Variants in FLG observed in about 807,000 individuals in gnomAD.
The protein encoded by FLG is filaggrin, also known as epidermal filaggrin.
A neutral mutation model predicts 3.8 loss-of-function variants in FLG; 6 were observed. The observed-to-expected ratio is 1.60, with a 90% CI of 0.87 to 3.15. The LOEUF is 3.15. FLG is among the 30% of genes most tolerant of loss of function. The pLI, the probability that FLG is intolerant of heterozygous loss-of-function variation, is 0.00. For synonymous variants in FLG, 2,551 were observed against 1,931.6 expected, an observed-to-expected ratio of 1.32 and a Z score of -8.41; for missense variants, 7,595 against 5,050.9, an observed-to-expected ratio of 1.50 and a Z score of -15.27.
chr1:152,309,351 G>T lies in FLG; in HGVS notation c.5535C>A (p.His1845Gln). 6.2e-7 allele frequency: 1 copy of T among 1,613,870 alleles called. No individual in the cohort carries two copies. Among genetic ancestry groups the T allele is most frequent in the Non-Finnish European group, 8.5e-7 (1 of 1,179,990 alleles). The stretch of plus-strand genomic sequence containing the variant: ...CATCAGACCTTTCCTGGGACGTGGT[G>T]TGGCTGTGATGAGACCCTGAGTGTC... ...SSGHSGSHHS[H>Q]TTSQERSDVS... Residue 1845 changes from histidine (H) to glutamine (Q), a missense_variant, in exon 3 of 3, where the codon CAC becomes CAA. Coordinates refer to ENST00000368799, the MANE Select transcript of FLG (RefSeq NM_002016.2).
chr1:152,303,567 G>A lies in FLG; in HGVS notation c.11319C>T (p.Tyr3773=), dbSNP rs1651732986. 1.9e-6 allele frequency: 3 copies of A among 1,614,006 alleles called. No individual in the cohort carries two copies. The highest frequency in any genetic ancestry group is 2.7e-5 in the African/African-American group (2 of 74,978). Residue 3773 remains tyrosine, a synonymous_variant, in exon 3 of 3, where the codon TAC becomes TAT. Coordinates refer to ENST00000368799, the MANE Select transcript of FLG (RefSeq NM_002016.2). ...GSRRGGRQGS[Y]HEQSVDRSGH... ...CAGACCTATCTACCGATTGCTCGTGGTAGGATCCCTGTCTTCCTCCTCTCC... is the reference window on the plus strand; with the variant it reads ...CAGACCTATCTACCGATTGCTCGTGATAGGATCCCTGTCTTCCTCCTCTCC...
rs776526009 is a variant in FLG at position 152,311,506 on chromosome 1, G to T, written c.3380C>A (p.Ser1127Tyr). The change falls in exon 3 of 3, where the codon TCT (serine) becomes TAT (tyrosine). Residue 1127 changes from serine (S) to tyrosine (Y), a missense_variant. By Grantham distance (144) the Ser-to-Tyr change is moderately radical. Coordinates refer to ENST00000368799, the MANE Select transcript of FLG (RefSeq NM_002016.2). The part of the protein sequence containing the change: ...FIYQVSTHEQ[S>Y]ESAHGRTRTS... The stretch of plus-strand genomic sequence containing the variant: ...CCTGGTCCGCCCATGGGCAGACTCA[G>T]ACTGTTCATGAGTGCTCACCTGGTA... The T allele has an allele frequency of 2.2e-5, 36 of 1,613,776 alleles. No homozygotes were observed. In the Admixed American group the frequency reaches 5.8e-4, roughly 26 times the overall value.
At chr1:152,319,287 A>G in intron 1 of FLG, among the ~76,000 whole-genome samples, 1 of 148,898 alleles carries the variant, frequency 6.7e-6, no homozygotes, top group Non-Finnish European at 1.5e-5. Flanking sequence ...GTTTCAGACT[A>G]ACTCTGAATA....
In FLG at chr1:152,313,300, C is replaced by A; in HGVS notation, c.1586G>T (p.Gly529Val). 3 of 1,613,696 alleles carry A rather than the reference C, an allele frequency of 1.9e-6. No homozygotes were observed. Among genetic ancestry groups the A allele is most frequent in the Non-Finnish European group, 2.5e-6 (3 of 1,179,976 alleles). Residue 529 changes from glycine (G) to valine (V), a missense_variant, in exon 3 of 3, where the codon GGA becomes GTA. Coordinates refer to ENST00000368799, the MANE Select transcript of FLG (RefSeq NM_002016.2). ...HPGSSRGGRQ[G>V]SHHEQSVNRS... ...ATTTACCGATTGCTCGTGGTGGGAT[C>A]CCTGCCTTCCTCCTCTGCTTGACCC...
At position 152,311,194 on chromosome 1, in the gene FLG, C is replaced by A. The variant is rs112344919; in HGVS notation, c.3692G>T (p.Arg1231Met). The A allele has an allele frequency of 3.7e-4, 594 of 1,613,834 alleles. 8 individuals carry two copies. The African/African-American group carries it at 5.7e-3, about 15-fold the overall frequency. ...RKDKQSGDGS[R>M]HSGSRHHEAA... ...TTCATGGTGACGTGACCCTGAGTGC[C>A]TGGAGCCGTCTCCTGATTGTTTGTC... The change falls in exon 3 of 3, where the codon AGG (arginine) becomes ATG (methionine). Residue 1231 changes from arginine (R) to methionine (M), a missense_variant. Arg to Met is a moderately conservative substitution (Grantham distance 91, BLOSUM62 -1). Transcript: ENST00000368799.
Position 152,309,192 on chromosome 1 carries a change from C to A in FLG, c.5694G>T (p.Ser1898=). The change falls in exon 3 of 3, where the codon TCG becomes TCT. Residue 1898 remains serine (S), a synonymous_variant. Coordinates refer to ENST00000368799, the MANE Select transcript of FLG (RefSeq NM_002016.2). ...ASSRADSSRH[S]QVGQGQSSGP... ...CTGATGATTGTCCCTGGCCCACCTG[C>A]GAGTGTCTAGAGCTGTCGGCCCGAG... 3 of 1,613,106 alleles carry A rather than the reference C, an allele frequency of 1.9e-6. No individual in the cohort carries two copies. The highest frequency in any genetic ancestry group is 2.5e-6 in the Non-Finnish European group (3 of 1,179,774).
chr1:152,318,856 A>G (rs1282000375), intron 1 of FLG, among the ~76,000 whole-genome samples: 1 of 151,894 alleles, frequency 6.6e-6, no homozygotes, highest in Non-Finnish European at 1.5e-5. Context: ...TTAGATATTG[A>G]TAAGTGATAT....
chr1:152,309,782 C>G lies in FLG; in HGVS notation c.5104G>C (p.Asp1702His), dbSNP rs905562362. The change falls in exon 3 of 3, where the codon GAT (aspartate) becomes CAT (histidine). Residue 1702 changes from aspartate (D) to histidine (H), a missense_variant. Asp to His is a moderately conservative substitution (Grantham distance 81). Coordinates refer to ENST00000368799, the MANE Select transcript of FLG (RefSeq NM_002016.2). ...STDSGTGRRQDSSVVGDSGNR... is the reference protein window; with the variant it reads ...STDSGTGRRQHSSVVGDSGNR... The stretch of plus-strand genomic sequence containing the variant: ...CCACTGTCTCCGACTACAGATGAAT[C>G]TTGTCTGCGCCCAGTGCCTGAGTCT... The G allele has an allele frequency of 3.7e-6, 6 of 1,614,024 alleles. No homozygotes were observed. Among genetic ancestry groups the G allele is most frequent in the African/African-American group, 1.3e-5 (1 of 75,004 alleles).
intron 1 of FLG, among the ~76,000 whole-genome samples, chr1:152,317,920 AAATTAGTTGATTCTCCTTTTCTTACATCC>A (rs1652840269): frequency 6.6e-6 from 1 of 152,034 alleles, no homozygotes; most frequent in Admixed American, 6.6e-5. Flanking sequence ...GTAAACCTGA[AAATTAGTTGATTCTCCTTTTCTTACATCC>A]AATATCTATT....
intron 1 of FLG, among the ~76,000 whole-genome samples, chr1:152,324,916 G>GCCAAGA (rs949967412): frequency 1.3e-5 from 2 of 151,814 alleles, no homozygotes; most frequent in Non-Finnish European, 2.9e-5. Flanking sequence ...CATAGATAGA[G>GCCAAGA]CCAAGACCAA....
Position 152,307,979 on chromosome 1 carries a change from C to G in FLG, c.6907G>C (p.Gly2303Arg), listed in dbSNP as rs145448130. Reference sequence around the variant, plus strand: ...GAGGAATTCTCTGCATGATGAGTGCCTGATTGTCTGGAGCTCTCTGCAGAG... The same window carrying G: ...GAGGAATTCTCTGCATGATGAGTGCGTGATTGTCTGGAGCTCTCTGCAGAG... ...GHSAESSRQS[G>R]THHAENSSGG... The change falls in exon 3 of 3, where the codon GGC becomes CGC. Residue 2303 changes from glycine (G) to arginine (R), a missense_variant. Coordinates refer to ENST00000368799, the MANE Select transcript of FLG (RefSeq NM_002016.2). 12 of 1,614,154 alleles carry G rather than the reference C, an allele frequency of 7.4e-6. No individual in the cohort carries two copies. The highest frequency in any genetic ancestry group is 1.3e-5 in the African/African-American group (1 of 74,990).
chr1:152,304,557 T>A lies in FLG; in HGVS notation c.10329A>T (p.Arg3443Ser), dbSNP rs755235388. ...GCTCGTAGTGGGATCCCTGCCTTCC[T>A]CTTCTGCTTGACCCCGGGTGTCCAC... is the stretch of plus-strand genomic sequence containing the variant. The part of the protein sequence containing the change: ...TIRGHPGSSR[R>S]GRQGSHYEQS... The change falls in exon 3 of 3, where the codon AGA becomes AGT. Residue 3443 changes from arginine (R) to serine (S), a missense_variant. By Grantham distance (110) the Arg-to-Ser change is moderately radical (BLOSUM62 -1). Coordinates refer to ENST00000368799, the MANE Select transcript of FLG (RefSeq NM_002016.2). 7.7e-5 allele frequency: 124 copies of A among 1,609,800 alleles called. No homozygotes were observed. The highest frequency in any genetic ancestry group is 1.0e-4 in the Non-Finnish European group (118 of 1,177,886).
Position 152,308,079 on chromosome 1 carries a change from T to A in FLG, c.6807A>T (p.Gly2269=). ...RSGSASRNHH[G]SAQEQSRDGS... ...CATCTCTTGACTGCTCCTGAGCAGA[T>A]CCATGATGGTTTCTGGACGCAGACC... Residue 2269 remains glycine (G), a synonymous_variant, in exon 3 of 3, where the codon GGA becomes GGT. Transcript: ENST00000368799. The A allele has an allele frequency of 6.2e-7, 1 of 1,614,020 alleles. No individual in the cohort carries two copies. The highest frequency in any genetic ancestry group is 8.5e-7 in the Non-Finnish European group (1 of 1,180,018).
At position 152,303,212 on chromosome 1, in the gene FLG, G is replaced by C. The variant is rs141128022; in HGVS notation, c.11674C>G (p.Arg3892Gly). ...CTGGAGCCATCTCTTGACTGCTCCC[G>C]AGAAGATCCATGATGGTTTCTGGAA... ...SASRNHHGSS[R>G]EQSRDGSRHP... The change falls in exon 3 of 3, where the codon CGG becomes GGG. Residue 3892 changes from arginine (R) to glycine (G), a missense_variant. Transcript: ENST00000368799. 5.6e-6 allele frequency: 9 copies of C among 1,614,058 alleles called. No homozygotes were observed. In the Admixed American group the frequency reaches 1.5e-4, roughly 27 times the overall value.
Position 152,304,048 on chromosome 1 carries a change from G to A in FLG, c.10838C>T (p.Ser3613Leu), listed in dbSNP as rs1323483411. 3 of 1,613,332 alleles carry A rather than the reference G, an allele frequency of 1.9e-6. No homozygotes were observed. Among genetic ancestry groups the A allele is most frequent in the East Asian group, 4.5e-5 (2 of 44,560 alleles). Residue 3613 changes from serine to leucine, a missense_variant, in exon 3 of 3, where the codon TCA (serine) becomes TTA (leucine). Ser to Leu is a moderately radical substitution (Grantham distance 145). Coordinates refer to ENST00000368799, the MANE Select transcript of FLG (RefSeq NM_002016.2). ...ACTTGATCTTGCCTGTTCATGGGAT[G>A]ATGCAGCCTGTCCACCAGAGGAATT... is the stretch of plus-strand genomic sequence containing the variant. ...AENSSGGQAA[S>L]SHEQARSSAG...
In FLG at chr1:152,312,054, G is replaced by C; in HGVS notation, c.2832C>G (p.Ser944=). ...EGSRTSRRQG[S]SVSQDSDSEG... ...CACTGTCACTGTCCTGGCTAACACT[G>C]GATCCCTGGCGCCTGCTTGTCCTGG... The change falls in exon 3 of 3, where the codon TCC becomes TCG. Residue 944 remains serine (S), a synonymous_variant. Transcript: ENST00000368799. 6.2e-7 allele frequency: 1 copy of C among 1,614,098 alleles called. No individual in the cohort carries two copies. Among genetic ancestry groups the C allele is most frequent in the Non-Finnish European group, 8.5e-7 (1 of 1,180,026 alleles).
chr1:152,305,138 C>A lies in FLG; in HGVS notation c.9748G>T (p.Gly3250Cys). Residue 3250 changes from glycine to cysteine, a missense_variant, in exon 3 of 3, where the codon GGC becomes TGC. By Grantham distance (159) the Gly-to-Cys change is radical (BLOSUM62 -3). Transcript: ENST00000368799. ...TGATGGGACCTGGGGTGTCTGGAGCCGTGCCTTGACTGCTCCTGAACAGAT... is the reference window on the plus strand; with the variant it reads ...TGATGGGACCTGGGGTGTCTGGAGCAGTGCCTTGACTGCTCCTGAACAGAT... ...RGSVQEQSRH[G>C]SRHPRSHHED... 6.2e-7 allele frequency: 1 copy of A among 1,613,826 alleles called. No homozygotes were observed. Among genetic ancestry groups the A allele is most frequent in the Non-Finnish European group, 8.5e-7 (1 of 1,179,960 alleles).
chr1:152,313,856 C>G lies in FLG; in HGVS notation c.1030G>C (p.Ala344Pro). Residue 344 changes from alanine to proline, a missense_variant, in exon 3 of 3, where the codon GCC becomes CCC. Physicochemically the swap from Ala to Pro is conservative, Grantham distance 27. Transcript: ENST00000368799. The stretch of plus-strand genomic sequence containing the variant: ...CTGTCTGCAGAGTGCCCATGACTGG[C>G]TCTGTCTTCATCATGGGACCTGGGG... ...RHPRSHDEDR[A>P]SHGHSADSSR... 1 of 1,614,008 alleles carries G rather than the reference C, an allele frequency of 6.2e-7. No individual in the cohort carries two copies. Among genetic ancestry groups the G allele is most frequent in the South Asian group, 1.1e-5 (1 of 91,054 alleles).
chr1:152,318,531 G>T (rs1652859746), intron 1 of FLG, among the ~76,000 whole-genome samples: 1 of 151,600 alleles, frequency 6.6e-6, no homozygotes, highest in Non-Finnish European at 1.5e-5. Flanking sequence ...ATCTCAAAAG[G>T]TTGGAAATAT....
Sources: gnomAD v4.1 joint callset for allele counts (sites outside exome capture counted in the v4.1 genomes callset) on GRCh38, gnomAD v4.1.1 for gene constraint, MANE v1.5 for transcripts, NCBI Gene and HGNC (gene_info 2026-07-23, HGNC 2026-07-21) for gene names.